USP34: variants seen among roughly 807,000 people sequenced by gnomAD.
USP34 encodes ubiquitin carboxyl-terminal hydrolase 34.
USP34 carries 70 observed loss-of-function variants against 460.3 expected under a neutral mutation model. That is an observed-to-expected ratio of 0.15 (90% confidence interval 0.13 to 0.19). USP34 has a LOEUF of 0.19. Among genes scored for constraint, USP34 ranks in the 10% least tolerant of loss-of-function variants. USP34 has a pLI of 1.00. For synonymous variants in USP34, 1,647 were observed against 1,405.3 expected, an observed-to-expected ratio of 1.17 and a Z score of -3.85; for missense variants, 3,985 against 4,236.2, an observed-to-expected ratio of 0.94 and a Z score of 1.65.
rs374550368 is a variant in USP34, at chr2:61,405,764, G to T, written c.496C>A (p.Gln166Lys). The T allele has an allele frequency of 5.0e-6, 8 of 1,601,010 alleles. No homozygotes were observed. In the African/African-American group the frequency reaches 1.1e-4, roughly 22 times the overall value. ...GCAGTATATAAGGGAAACTGAATTTGAAAAATTTTTGCCACACATAGTAAG... is the reference window on the plus strand; with the variant it reads ...GCAGTATATAAGGGAAACTGAATTTTAAAAATTTTTGCCACACATAGTAAG... The part of the protein sequence containing the change: ...KLLLCVAKIF[Q>K]IQFPLYTAYK... Residue 166 changes from glutamine to lysine, a missense_variant, in exon 3 of 80, where the codon CAA (glutamine) becomes AAA (lysine). Gln to Lys is a moderately conservative substitution (Grantham distance 53). Transcript: ENST00000398571.
intron 1 of USP34, among the ~76,000 whole-genome samples, chr2:61,463,728 G>A (rs910439806): frequency 6.6e-6 from 1 of 152,030 alleles, no homozygotes; most frequent in African/African-American, 2.4e-5. Flanking sequence ...CAGCTACTCA[G>A]GAGGCTGAGG....
chr2:61,232,516 A>G lies in USP34; in HGVS notation c.7049T>C (p.Met2350Thr). 6.2e-7 allele frequency: 1 copy of G among 1,608,484 alleles called. No individual in the cohort carries two copies. The highest frequency in any genetic ancestry group is 8.5e-7 in the Non-Finnish European group (1 of 1,178,764). The change falls in exon 58 of 80, where the codon ATG becomes ACG. Residue 2350 changes from methionine to threonine, a missense_variant. Physicochemically the swap from Met to Thr is moderately conservative, Grantham distance 81 (BLOSUM62 -1). Coordinates refer to ENST00000398571, the MANE Select transcript of USP34 (RefSeq NM_014709.4). ...CATTGGCCACCAGTCGTCATCAGCC[A>G]TACGATCTAAAAACCACTGTTAAAA... is the stretch of plus-strand genomic sequence containing the variant. ...QAACEWFLDR[M>T]ADDDWWPMQI...
At position 61,370,413 on chromosome 2, in the gene USP34, T is replaced by C. The variant is rs771386730; in HGVS notation, c.1159A>G (p.Ile387Val). Reference protein sequence around the residue: ...HIFGPNLHIEIIKQCQVILNF... With the variant: ...HIFGPNLHIEVIKQCQVILNF... ...AAAATCACTTGGCACTGTTTGATAA[T>C]CTGGAAAAGAAAAACTTAATATCAA... The change falls in exon 10 of 80, where the codon ATT becomes GTT. Residue 387 changes from isoleucine to valine, a missense_variant and splice_region_variant. Transcript: ENST00000398571. 4 of 1,613,922 alleles carry C rather than the reference T, an allele frequency of 2.5e-6. No homozygotes were observed. In the Admixed American group the frequency reaches 6.7e-5, roughly 27 times the overall value.
intron 1 of USP34, among the ~76,000 whole-genome samples, chr2:61,422,812 A>G (rs1694400750): frequency 6.6e-6 from 1 of 152,180 alleles, no homozygotes; most frequent in East Asian, 1.9e-4. Context: ...CAGCCTGAGC[A>G]GCATAGTGAA....
At chr2:61,443,669 T>C (rs1558597839) in intron 1 of USP34, among the ~76,000 whole-genome samples, 1 of 152,056 alleles carries the variant, frequency 6.6e-6, no homozygotes, top group Non-Finnish European at 1.5e-5. Flanking sequence ...CAGTGATTAG[T>C]GGGGAGGAAG....
chr2:61,372,399 A>T (rs1219470437), intron 8 of USP34, among the ~76,000 whole-genome samples: 1 of 152,206 alleles, frequency 6.6e-6, no homozygotes, highest in Non-Finnish European at 1.5e-5. Context: ...TTTCTAAAAA[A>T]AATTCCACTA....
At chr2:61,311,483 A>AAAAAAGAGAAAGAGAAG in intron 27 of USP34, 57 bp downstream of exon 27, 1 of 1,508,668 alleles carries the variant, frequency 6.6e-7, no homozygotes, top group African/African-American at 1.4e-5. Context: ...AGAAAGAGAA[A>AAAAAAGAGAAAGAGAAG]GAGAAAAAGA....
chr2:61,430,257 A>G (rs2103995890), intron 1 of USP34, among the ~76,000 whole-genome samples: 1 of 151,326 alleles, frequency 6.6e-6, no homozygotes, highest in South Asian at 2.1e-4. Flanking sequence ...TACAAAAATT[A>G]GCCAGGCGTG....
At chr2:61,428,515 C>G (rs1009172596) in intron 1 of USP34, among the ~76,000 whole-genome samples, 1 of 152,162 alleles carries the variant, frequency 6.6e-6, no homozygotes, top group Non-Finnish European at 1.5e-5. Context: ...GCACTCCAAC[C>G]AACCCCATGG....
chr2:61,350,175 T>C, intron 12 of USP34, 85 bp downstream of exon 12: 1 of 1,375,256 alleles, frequency 7.3e-7, no homozygotes, highest in Non-Finnish European at 9.9e-7. Flanking sequence ...AAATAAAGAT[T>C]GAACTGAATG....
Position 61,236,066 on chromosome 2 carries a change from G to A in USP34, c.6926C>T (p.Thr2309Ile), listed in dbSNP as rs1251902435. ...AATAAATGTCTCTAGGACAAAGGAA[G>A]TGCTTAACTGTAAGAAAAGATAAAG... ...AVSLMTAKLS[T>I]SFVLETFIHS... is the part of the protein sequence containing the mutation. Residue 2309 changes from threonine (T) to isoleucine (I), a missense_variant, in exon 56 of 80, where the codon ACT becomes ATT. By Grantham distance (89) the Thr-to-Ile change is moderately conservative (BLOSUM62 -1). Transcript: ENST00000398571. 3 of 1,605,414 alleles carry A rather than the reference G, an allele frequency of 1.9e-6. No homozygotes were observed. The highest frequency in any genetic ancestry group is 1.7e-5 in the Admixed American group (1 of 57,612).
intron 3 of USP34, among the ~76,000 whole-genome samples, chr2:61,397,405 T>C (rs144005595): frequency 1.9e-3 from 284 of 146,860 alleles, no homozygotes; most frequent in African/African-American, 6.9e-3. Flanking sequence ...ATTGCACCAC[T>C]GCACTCCAGC....
chr2:61,347,728 ATCT>A, intron 15 of USP34, 139 bp downstream of exon 15: 1 of 1,428,268 alleles, frequency 7.0e-7, no homozygotes, highest in South Asian at 1.5e-5. Context: ...ACTTGAAATT[ATCT>A]ATTTGTAGCT....
Position 61,470,849 on chromosome 2 carries a change from GA to G in USP34, c.-158del, listed in dbSNP as rs1351321165. 56 of 299,370 alleles carry G rather than the reference GA, an allele frequency of 1.9e-4. No homozygotes were observed. Among genetic ancestry groups the G allele is most frequent in the Non-Finnish European group, 3.9e-5 (6 of 153,918 alleles). The allele number at this position is 299,370 out of a possible 1,614,324, so 18.5% of individuals were successfully genotyped here. On this transcript the variant is annotated 5_prime_UTR_variant, in exon 1 of 80. Transcript: ENST00000398571. ...GCGGCGGGGACGGGGCGGGGAGCAA[GA>G]GAATGGGGGAGGGGGCCGGCGGTCC...
In USP34 at chr2:61,325,409, A is replaced by T; in HGVS notation, c.2979T>A (p.Cys993Ter). Residue 993 changes from cysteine to a stop codon, truncating the protein, a stop_gained, in exon 21 of 80, where the codon TGT (cysteine) becomes TGA (stop). Transcript: ENST00000398571. LOFTEE classifies it high-confidence loss of function. ...EVQVRLQFLT[C>*]VFSTLGSPDH... ...CAGGTGATCCCAGAGTTGAAAATACACAAGTCAAGAATTGAAGACGAACTT... is the reference window on the plus strand; with the variant it reads ...CAGGTGATCCCAGAGTTGAAAATACTCAAGTCAAGAATTGAAGACGAACTT... 6.4e-7 allele frequency: 1 copy of T among 1,556,502 alleles called. No homozygotes were observed. The highest frequency in any genetic ancestry group is 8.6e-7 in the Non-Finnish European group (1 of 1,160,946).
chr2:61,436,502 G>C (rs1437274881), intron 1 of USP34, among the ~76,000 whole-genome samples: 6 of 152,124 alleles, frequency 3.9e-5, no homozygotes, highest in Non-Finnish European at 8.8e-5. Context: ...TCAGTAAGGG[G>C]ATATAAGAAT....
At chr2:61,435,177 T>C (rs1694777853) in intron 1 of USP34, among the ~76,000 whole-genome samples, 1 of 151,520 alleles carries the variant, frequency 6.6e-6, no homozygotes, top group African/African-American at 2.4e-5. Context: ...TGGTGGTGAA[T>C]GCTTATAGTC....
Position 61,206,748 on chromosome 2 carries a change from G to C in USP34, c.9046+12C>G, listed in dbSNP as rs767477974. 1.6e-4 allele frequency: 258 copies of C among 1,611,784 alleles called. No homozygotes were observed. The highest frequency in any genetic ancestry group is 2.1e-4 in the Non-Finnish European group (246 of 1,179,192). On this transcript the variant is annotated intron_variant, in intron 71 of 79. Transcript: ENST00000398571. ...AGCACGAACAAAACATAAGAAGTAG[G>C]AATGAGCAAACCTTTTCTCTGAAGA... is the stretch of plus-strand genomic sequence containing the variant.
chr2:61,348,793 C>A lies in USP34; in HGVS notation c.1637G>T (p.Arg546Ile), dbSNP rs1182118284. The A allele has an allele frequency of 3.1e-6, 5 of 1,613,724 alleles. No homozygotes were observed. The highest frequency in any genetic ancestry group is 1.7e-4 in the Middle Eastern group (1 of 6,050). Residue 546 changes from arginine to isoleucine, a missense_variant, in exon 14 of 80, where the codon AGA becomes ATA. By Grantham distance (97) the Arg-to-Ile change is moderately conservative (BLOSUM62 -3). Transcript: ENST00000398571. ...AAGTCGTTGTTGCACATGTTTGGTT[C>A]TATTAATAAGTTGCTCATCCATTTC... is the stretch of plus-strand genomic sequence containing the variant. ...DIEMDEQLINRTKHVQQRLSD... is the reference protein window; with the variant it reads ...DIEMDEQLINITKHVQQRLSD...
Sources: allele counts gnomAD v4.1 joint callset (sites outside exome capture counted in the v4.1 genomes callset), GRCh38; gene constraint gnomAD v4.1.1; transcripts MANE v1.5; gene names NCBI Gene and HGNC (gene_info 2026-07-23, HGNC 2026-07-21).